The following PDE4D variants were observed in gnomAD, a reference collection of about 807,000 sequenced individuals.
The protein encoded by PDE4D is 3',5'-cyclic-AMP phosphodiesterase 4D.
Under a neutral mutation model 87.4 loss-of-function variants are expected in PDE4D, and 24 were observed. That is an observed-to-expected ratio of 0.27 (90% CI 0.20 to 0.39). PDE4D has a LOEUF of 0.39. Ranked by LOEUF, PDE4D falls within the 10% of genes least tolerant of loss-of-function variation. The pLI, the probability that PDE4D is intolerant of heterozygous loss-of-function variation, is 1.00. For synonymous variants in PDE4D, 384 were observed against 383.2 expected, an observed-to-expected ratio of 1.00 and a Z score of -0.02; for missense variants, 714 against 1,041.0, an observed-to-expected ratio of 0.69 and a Z score of 4.32.
chr5:59,143,599 TAGTA>T (rs776327941), intron 5 of PDE4D, among the ~76,000 whole-genome samples: 6 of 152,162 alleles, frequency 3.9e-5, no homozygotes, highest in Admixed American at 1.3e-4. Context: ...GCATGGGACA[TAGTA>T]AGTACTCAAT....
chr5:59,714,247 T>C (rs914352671), intron 1 of PDE4D, among the ~76,000 whole-genome samples: 4 of 152,204 alleles, frequency 2.6e-5, no homozygotes, highest in Non-Finnish European at 5.9e-5. Context: ...CTCTTAACTT[T>C]GTGGAGATAA....
At chr5:60,141,498 T>G (rs1395117964) in intron 2 of PDE4D, among the ~76,000 whole-genome samples, 1 of 152,114 alleles carries the variant, frequency 6.6e-6, no homozygotes, top group Non-Finnish European at 1.5e-5. Context: ...ATTATAGACT[T>G]GTTCCAATCC....
At chr5:59,561,930 CAAAA>C (rs34711969) in intron 1 of PDE4D, among the ~76,000 whole-genome samples, 2 of 138,968 alleles carry the variant, frequency 1.4e-5, no homozygotes, top group Non-Finnish European at 3.1e-5. Context: ...GAAACGCTGT[CAAAA>C]AAAAAAAAAA....
chr5:59,355,742 T>A (rs1445392968), intron 1 of PDE4D, among the ~76,000 whole-genome samples: 1 of 152,192 alleles, frequency 6.6e-6, no homozygotes, highest in Non-Finnish European at 1.5e-5. Flanking sequence ...AAATTTGATT[T>A]CTCTGATTTT....
At chr5:60,016,313 A>T (rs1345559757) in intron 2 of PDE4D, among the ~76,000 whole-genome samples, 2 of 152,174 alleles carry the variant, frequency 1.3e-5, no homozygotes, top group East Asian at 3.9e-4. Flanking sequence ...GCTAACGATC[A>T]CCTGAGCCTT....
intron 1 of PDE4D, among the ~76,000 whole-genome samples, chr5:59,569,382 A>C (rs896047396): frequency 1.3e-5 from 2 of 152,226 alleles, no homozygotes; most frequent in African/African-American, 4.8e-5. Context: ...AAGAAGACAA[A>C]GAAAGGGATT....
Position 58,988,558 on chromosome 5 carries a change from A to G in PDE4D, c.1487T>C (p.Ile496Thr), listed in dbSNP as rs904055256. Residue 496 changes from isoleucine (I) to threonine (T), a missense_variant, in exon 11 of 15, where the codon ATT becomes ACT. Around this residue, in one of 7 missense-constraint regions of PDE4D, gnomAD observed 141 missense variants for 204.3 expected, o/e 0.69. Coordinates refer to ENST00000340635, the MANE Select transcript of PDE4D (RefSeq NM_001104631.2). ...TACATCATGTATTGCACTGGCAAAAATTGCTGCAAGAATCTCCAAATCTGT... is the reference window on the plus strand; with the variant it reads ...TACATCATGTATTGCACTGGCAAAAGTTGCTGCAAGAATCTCCAAATCTGT... ...VFTDLEILAA[I>T]FASAIHDVDH... 2.7e-6 allele frequency: 4 copies of G among 1,503,274 alleles called. No individual in the cohort carries two copies. Among genetic ancestry groups the G allele is most frequent in the Admixed American group, 2.1e-5 (1 of 48,598 alleles). The allele number at this position is 1,503,274 out of a possible 1,614,324, so 93.1% of individuals were successfully genotyped here.
intron 6 of PDE4D, among the ~76,000 whole-genome samples, chr5:59,026,532 ACACT>A (rs1435578303): frequency 6.6e-6 from 1 of 151,504 alleles, no homozygotes; most frequent in Non-Finnish European, 1.5e-5. Context: ...AAGGCACCAG[ACACT>A]CACTGGGTTG....
rs184935291 is a variant in PDE4D, at chr5:58,976,486, G to A, written c.1708-14C>T. 1.3e-6 allele frequency: 2 copies of A among 1,526,554 alleles called. No individual in the cohort carries two copies. Among genetic ancestry groups the A allele is most frequent in the Non-Finnish European group, 1.8e-6 (2 of 1,124,284 alleles). The allele number at this position is 1,526,554 out of a possible 1,614,324, so 94.6% of individuals were successfully genotyped here. A position where few individuals can be genotyped will look rare whatever the true frequency, so the allele number is the denominator to read the frequency against. On this transcript the variant is annotated splice_polypyrimidine_tract_variant and intron_variant, in intron 12 of 14. Coordinates refer to ENST00000340635, the MANE Select transcript of PDE4D (RefSeq NM_001104631.2). ...TGTTGCAAGTACCTTAAAATATAGA[G>A]TATATTATTAAGTTCAGAGAAAACA... is the stretch of plus-strand genomic sequence containing the variant.
At chr5:59,510,042 A>G (rs866842750) in intron 1 of PDE4D, among the ~76,000 whole-genome samples, 2 of 150,312 alleles carry the variant, frequency 1.3e-5, no homozygotes, top group Middle Eastern at 4.4e-3. Context: ...TACTATACAA[A>G]TATCTCTTCT....
At chr5:59,837,279 C>G (rs919705620) in intron 1 of PDE4D, among the ~76,000 whole-genome samples, 1 of 152,046 alleles carries the variant, frequency 6.6e-6, no homozygotes, top group Admixed American at 6.6e-5. Context: ...AATTCTACCC[C>G]CTGTCCAGTG....
chr5:59,021,726 A>T (rs1447113470), intron 6 of PDE4D, among the ~76,000 whole-genome samples: 2 of 152,198 alleles, frequency 1.3e-5, no homozygotes, highest in African/African-American at 4.8e-5. Context: ...TATCCAGAAG[A>T]GGAATTGCAA....
chr5:59,919,345 C>A (rs969669359), intron 3 of PDE4D, among the ~76,000 whole-genome samples: 2 of 152,174 alleles, frequency 1.3e-5, no homozygotes, highest in African/African-American at 4.8e-5. Flanking sequence ...ACCTTCCTTT[C>A]TCCAACTACA....
intron 1 of PDE4D, among the ~76,000 whole-genome samples, chr5:60,276,534 A>G (rs556394827): frequency 6.6e-6 from 1 of 152,320 alleles, no homozygotes; most frequent in East Asian, 1.9e-4. Flanking sequence ...TAGCATTCAC[A>G]GACAGCCAAC....
chr5:59,373,161 G>C (rs1012863279), intron 1 of PDE4D, among the ~76,000 whole-genome samples: 1 of 152,148 alleles, frequency 6.6e-6, no homozygotes, highest in Non-Finnish European at 1.5e-5. Context: ...TCTAAAGCAA[G>C]CTTCTAAACC....
intron 2 of PDE4D, among the ~76,000 whole-genome samples, chr5:60,144,509 C>G (rs1003038188): frequency 6.6e-6 from 1 of 152,196 alleles, no homozygotes. Flanking sequence ...AAGATGATCT[C>G]TAGCTTTTCT....
At chr5:59,895,302 T>C (rs1422571450), upstream of PDE4D, among the ~76,000 whole-genome samples, 2 of 151,996 alleles carry the variant, frequency 1.3e-5, no homozygotes, top group African/African-American at 4.8e-5. Context: ...GAGAAGGCCT[T>C]CATCATCTCT....
intron 1 of PDE4D, among the ~76,000 whole-genome samples, chr5:59,888,012 T>C (rs981445464): frequency 1.3e-5 from 2 of 152,192 alleles, no homozygotes; most frequent in Non-Finnish European, 2.9e-5. Context: ...ACTAGTTGTG[T>C]TAAGTAATTT....
At position 59,762,319 on chromosome 5, in the gene PDE4D, TACACATATGC is replaced by T. The variant is rs1211493821; in HGVS notation, c.455+130839_455+130848del. Among the ~76,000 whole-genome samples the T allele has an allele frequency of 6.6e-4, 98 of 147,766 alleles. 3 individuals are homozygous for T. Among genetic ancestry groups the T allele is most frequent in the African/African-American group, 2.4e-3 (91 of 37,990 alleles). ...ATGGGTACACATATGCGTATATGGGTACACATATGCGTATATGGGTACACATATGCATATA... is the reference window on the plus strand; with the variant it reads ...ATGGGTACACATATGCGTATATGGGTGTATATGGGTACACATATGCATATA... On this transcript the variant is annotated intron_variant, in intron 1 of 14. Coordinates refer to ENST00000340635, the MANE Select transcript of PDE4D (RefSeq NM_001104631.2).
Sources: gnomAD v4.1 joint callset for allele counts (sites outside exome capture counted in the v4.1 genomes callset) on GRCh38, gnomAD v4.1.1 for gene constraint, gnomAD v4.1.1 regional missense constraint, MANE v1.5 for transcripts, NCBI Gene and HGNC (gene_info 2026-07-23, HGNC 2026-07-21) for gene names.